Variants in SLC44A5 observed in about 807,000 individuals in gnomAD.
SLC44A5 encodes choline transporter-like protein 5.
A neutral mutation model predicts 101.8 loss-of-function variants in SLC44A5; 57 were observed. The ratio of observed to expected loss-of-function variants is 0.56; its 90% CI spans 0.45 to 0.70. The LOEUF is 0.70. Among genes scored for constraint, SLC44A5 ranks in the 30% least tolerant of loss-of-function variants. The probability of loss-of-function intolerance (pLI) is 0.00; values close to 1 mark genes in which losing one functional copy is unlikely to be tolerated. For synonymous variants in SLC44A5, 281 were observed against 290.9 expected (o/e 0.97, Z 0.35); for missense variants, 737 against 853.1 (o/e 0.86, Z 1.70).
At chr1:75,638,967 A>G in the SLC44A5 span, among the ~76,000 whole-genome samples, 1 of 152,082 alleles carries the variant, frequency 6.6e-6, no homozygotes, top group Non-Finnish European at 1.5e-5. Context: ...CAATTATCAC[A>G]TAATCTCACA....
chr1:75,519,355 C>T (rs929295878), intron 2 of SLC44A5, among the ~76,000 whole-genome samples: 1 of 152,132 alleles, frequency 6.6e-6, no homozygotes, highest in Middle Eastern at 3.4e-3. Flanking sequence ...ATCAGGAGTT[C>T]GAGACCACCC....
intron 3 of SLC44A5, among the ~76,000 whole-genome samples, chr1:75,349,774 T>C (rs1658504884): frequency 6.6e-6 from 1 of 151,966 alleles, no homozygotes; most frequent in Non-Finnish European, 1.5e-5. Context: ...TATAATACAA[T>C]CCAAAAATTG....
chr1:75,242,937 G>C lies in SLC44A5; in HGVS notation c.420C>G (p.Ser140Arg). ...AGAACTGACGGTAGTCTTCCCAGTA[G>C]CTTTTGTCTTTTGTGTACAAAAGTT... ...EMQLLYTKDK[S>R]YWEDYRQFCK... The change falls in exon 8 of 24, where the codon AGC becomes AGG. Residue 140 changes from serine (S) to arginine (R), a missense_variant. This residue lies in a region of SLC44A5 where 665 missense variants were observed against 764.4 expected (regional missense o/e 0.87). Coordinates refer to ENST00000370859, the MANE Select transcript of SLC44A5 (RefSeq NM_001130058.2). 6.2e-7 allele frequency: 1 copy of C among 1,612,430 alleles called. No individual in the cohort carries two copies. The highest frequency in any genetic ancestry group is 8.5e-7 in the Non-Finnish European group (1 of 1,179,100).
At chr1:75,299,270 A>G (rs1008574334) in intron 5 of SLC44A5, among the ~76,000 whole-genome samples, 1 of 152,260 alleles carries the variant, frequency 6.6e-6, no homozygotes, top group East Asian at 1.9e-4. Context: ...TAGCTTTGTG[A>G]TTTATGCTCC....
At chr1:75,342,919 C>G (rs1363788099) in intron 3 of SLC44A5, among the ~76,000 whole-genome samples, 1 of 152,152 alleles carries the variant, frequency 6.6e-6, no homozygotes, top group Non-Finnish European at 1.5e-5. Flanking sequence ...GTAATGACAG[C>G]TGGAAAGTGA....
the SLC44A5 span, among the ~76,000 whole-genome samples, chr1:75,638,683 T>G: frequency 6.6e-6 from 1 of 152,122 alleles, no homozygotes; most frequent in African/African-American, 2.4e-5. Context: ...AAAACGGTCC[T>G]TCTTTCTTTG....
chr1:75,561,602 T>C (rs1197498064), intron 1 of SLC44A5, among the ~76,000 whole-genome samples: 1 of 152,196 alleles, frequency 6.6e-6, no homozygotes, highest in Non-Finnish European at 1.5e-5. Context: ...GGAAGAGTCC[T>C]ACAATTGCTG....
At chr1:75,561,960 A>G (rs1672538646) in intron 1 of SLC44A5, among the ~76,000 whole-genome samples, 1 of 151,606 alleles carries the variant, frequency 6.6e-6, no homozygotes, top group African/African-American at 2.4e-5. Flanking sequence ...TTTGGGAGGG[A>G]GGGAGGAGGT....
chr1:75,572,298 C>A (rs1673115146), intron 1 of SLC44A5, among the ~76,000 whole-genome samples: 1 of 152,038 alleles, frequency 6.6e-6, no homozygotes, highest in South Asian at 2.1e-4. Context: ...GGAGGCAGGT[C>A]TTCAGAGGAA....
the SLC44A5 span, among the ~76,000 whole-genome samples, chr1:75,670,122 C>A: frequency 6.6e-6 from 1 of 151,806 alleles, no homozygotes; most frequent in African/African-American, 2.4e-5. Context: ...ATAAAGAGAT[C>A]AAAAAGATAG....
chr1:75,644,909 G>A, the SLC44A5 span, among the ~76,000 whole-genome samples: 1 of 150,646 alleles, frequency 6.6e-6, no homozygotes, highest in South Asian at 2.1e-4. Context: ...TCCTTGCTGA[G>A]AATGATGGTT....
intron 3 of SLC44A5, among the ~76,000 whole-genome samples, chr1:75,345,984 G>C (rs2101051910): frequency 6.6e-6 from 1 of 152,230 alleles, no homozygotes; most frequent in African/African-American, 2.4e-5. Context: ...AAGCATTACA[G>C]AGGAATACAT....
chr1:75,248,611 G>C (rs1321813244), intron 7 of SLC44A5, among the ~76,000 whole-genome samples: 2 of 152,224 alleles, frequency 1.3e-5, no homozygotes, highest in Non-Finnish European at 2.9e-5. Flanking sequence ...AGAGATCTTG[G>C]AAGTTCCAGG....
At chr1:75,408,873 T>C (rs569100628) in intron 2 of SLC44A5, among the ~76,000 whole-genome samples, 64 of 152,104 alleles carry the variant, frequency 4.2e-4, no homozygotes, top group African/African-American at 1.4e-3. Flanking sequence ...TAATATTCAC[T>C]ACACAGGTAC....
At chr1:75,703,538 CT>C in the SLC44A5 span, among the ~76,000 whole-genome samples, 15 of 151,890 alleles carry the variant, frequency 9.9e-5, no homozygotes, top group African/African-American at 3.4e-4. Context: ...GGAGGGATAG[CT>C]TTAGGAGATA....
At chr1:75,583,581 C>T (rs1163762137) in intron 1 of SLC44A5, among the ~76,000 whole-genome samples, 1 of 152,178 alleles carries the variant, frequency 6.6e-6, no homozygotes, top group Non-Finnish European at 1.5e-5. Flanking sequence ...GTTTTCTATC[C>T]TTTGTCTTTT....
chr1:75,711,447 A>G, the SLC44A5 span, among the ~76,000 whole-genome samples: 1 of 152,234 alleles, frequency 6.6e-6, no homozygotes, highest in Non-Finnish European at 1.5e-5. Context: ...AAACTTTTAA[A>G]AAATAGTTTT....
At chr1:75,399,598 A>G (rs1338750964) in intron 2 of SLC44A5, among the ~76,000 whole-genome samples, 2 of 152,204 alleles carry the variant, frequency 1.3e-5, no homozygotes, top group African/African-American at 4.8e-5. Flanking sequence ...AATCTGAATT[A>G]GAATGAATAT....
chr1:75,512,288 A>G (rs1669607476), intron 2 of SLC44A5, among the ~76,000 whole-genome samples: 1 of 152,214 alleles, frequency 6.6e-6, no homozygotes, highest in South Asian at 2.1e-4. Flanking sequence ...AATCCCTTTC[A>G]TGTAATATTA....
Sources: gnomAD v4.1 joint callset for allele counts (sites outside exome capture counted in the v4.1 genomes callset) on GRCh38, gnomAD v4.1.1 for gene constraint, gnomAD v4.1.1 regional missense constraint, MANE v1.5 for transcripts, NCBI Gene and HGNC (gene_info 2026-07-23, HGNC 2026-07-21) for gene names.